ACAD11: variants seen among roughly 807,000 people sequenced by gnomAD.
ACAD11 encodes acyl-CoA dehydrogenase family member 11.
In ACAD11, 83 loss-of-function variants were observed where a neutral mutation model predicts 102.2. The ratio of observed to expected loss-of-function variants is 0.81; its 90% confidence interval spans 0.68 to 0.97. The LOEUF (loss-of-function observed/expected upper bound fraction) is 0.97, where lower values mean the gene tolerates loss of function less well. ACAD11 is among the 50% of genes least tolerant of loss of function. The probability of loss-of-function intolerance (pLI) is 0.00; values close to 1 mark genes in which losing one functional copy is unlikely to be tolerated. For synonymous variants in ACAD11, 324 were observed against 319.8 expected, an observed-to-expected ratio of 1.01 and a Z score of -0.14; for missense variants, 901 against 951.7, an observed-to-expected ratio of 0.95 and a Z score of 0.70.
intron 11 of ACAD11, chr3:132,618,265 T>C (rs62291501): frequency 0.096 from 19,628 of 203,622 alleles, 1,158 homozygotes; most frequent in South Asian, 0.14. Flanking sequence ...GGTAAATGAA[T>C]GGTTTATTCA....
At chr3:132,654,333 T>C (rs942987563) in intron 1 of ACAD11, 2 of 152,184 alleles carry the variant, frequency 1.3e-5, no homozygotes, top group African/African-American at 4.8e-5. Context: ...CACTGATATA[T>C]AATTATGTTT....
At position 132,575,789 on chromosome 3, in the gene ACAD11, T is replaced by C. The variant is rs755346321; in HGVS notation, c.1984A>G (p.Lys662Glu). 1 of 1,614,038 alleles carries C rather than the reference T, an allele frequency of 6.2e-7. No individual in the cohort carries two copies. The highest frequency in any genetic ancestry group is 8.5e-7 in the Non-Finnish European group (1 of 1,179,966). Residue 662 changes from lysine to glutamate, a missense_variant, in exon 17 of 20, where the codon AAG (lysine) becomes GAG (glutamate). Coordinates refer to ENST00000264990, the MANE Select transcript of ACAD11 (RefSeq NM_032169.5). ...ERATQRIAFK[K>E]KLYAHEVVAH... ...GTCCTCACATGTGCATACAACTTCTTCTTGAAAGCTATCCTTTGTGTTGCC... is the reference window on the plus strand; with the variant it reads ...GTCCTCACATGTGCATACAACTTCTCCTTGAAAGCTATCCTTTGTGTTGCC...
chr3:132,597,018 G>T (rs551587470), intron 13 of ACAD11, among the ~76,000 whole-genome samples: 1 of 152,274 alleles, frequency 6.6e-6, no homozygotes, highest in East Asian at 1.9e-4. Context: ...TCAGCAGTCA[G>T]TAGCTCAGCT....
chr3:132,636,358 T>A (rs944610548), intron 5 of ACAD11, among the ~76,000 whole-genome samples: 27 of 152,220 alleles, frequency 1.8e-4, no homozygotes, highest in Non-Finnish European at 3.1e-4. Flanking sequence ...TTTAGTTTTT[T>A]AAATTATCTT....
Position 132,618,767 on chromosome 3 carries a change from C to T in ACAD11, c.1281G>A (p.Met427Ile). 10 of 1,588,156 alleles carry T rather than the reference C, an allele frequency of 6.3e-6. No individual in the cohort carries two copies. The East Asian group carries it at 6.9e-5, about 11-fold the overall frequency. ...AGTTCCAGAGACCCTCGACTTTGGC[C>T]ATTTCCTGTCAAGGTGATGAACATG... Reference protein sequence around the residue: ...KPLVIDKLKEMAKVEGLWNLF... With the variant: ...KPLVIDKLKEIAKVEGLWNLF... Residue 427 changes from methionine (M) to isoleucine (I), a missense_variant, in exon 11 of 20, where the codon ATG (methionine) becomes ATA (isoleucine). Coordinates refer to ENST00000264990, the MANE Select transcript of ACAD11 (RefSeq NM_032169.5).
At chr3:132,633,215 A>G (rs1940124126) in intron 5 of ACAD11, among the ~76,000 whole-genome samples, 1 of 152,216 alleles carries the variant, frequency 6.6e-6, no homozygotes, top group Non-Finnish European at 1.5e-5. Context: ...TGGGTTTGTC[A>G]TAGATAGCTC....
intron 10 of ACAD11, 87 bp downstream of exon 10, chr3:132,619,381 T>C (rs975806215): frequency 4.0e-5 from 32 of 794,996 alleles, no homozygotes; most frequent in Middle Eastern, 2.4e-4. Flanking sequence ...TTCTTCTACA[T>C]ATATAACAAT....
intron 17 of ACAD11, among the ~76,000 whole-genome samples, chr3:132,572,343 A>G (rs1019085312): frequency 3.9e-5 from 6 of 152,114 alleles, no homozygotes; most frequent in Non-Finnish European, 7.4e-5. Context: ...CCAGGGAGGT[A>G]AAAAATCTTT....
intron 12 of ACAD11, 76 bp downstream of exon 12, chr3:132,605,022 C>A: frequency 9.0e-7 from 1 of 1,107,192 alleles, no homozygotes. Context: ...GAACCACATC[C>A]TGTATTTCTT....
At chr3:132,631,116 C>T (rs1940022479) in intron 6 of ACAD11, among the ~76,000 whole-genome samples, 2 of 151,762 alleles carry the variant, frequency 1.3e-5, no homozygotes, top group Admixed American at 1.3e-4. Context: ...AAAAAACGTG[C>T]ACGTTGTGCA....
At chr3:132,634,020 C>G (rs1466565534) in intron 5 of ACAD11, among the ~76,000 whole-genome samples, 8 of 152,022 alleles carry the variant, frequency 5.3e-5, no homozygotes, top group Admixed American at 3.9e-4. Context: ...GTCTAAAACA[C>G]CAAAAGCAAT....
At chr3:132,600,692 G>A (rs1938539608) in intron 13 of ACAD11, 1 of 1,613,744 alleles carries the variant, frequency 6.2e-7, no homozygotes, top group African/African-American at 1.3e-5. Context: ...TTTTTGGGCT[G>A]TTAATGCAGT....
intron 17 of ACAD11, among the ~76,000 whole-genome samples, chr3:132,570,785 G>GGA (rs1937352345): frequency 6.6e-6 from 1 of 152,074 alleles, no homozygotes; most frequent in Non-Finnish European, 1.5e-5. Context: ...TCCTGCGTTA[G>GGA]TTGGCTAAGG....
chr3:132,594,852 A>G (rs1938232503), intron 13 of ACAD11, among the ~76,000 whole-genome samples: 1 of 152,198 alleles, frequency 6.6e-6, no homozygotes, highest in South Asian at 2.1e-4. Flanking sequence ...GCAGTTGCAG[A>G]CCAGTTGTTA....
chr3:132,586,831 G>A (rs1266289613), intron 13 of ACAD11, among the ~76,000 whole-genome samples: 3 of 152,176 alleles, frequency 2.0e-5, no homozygotes, highest in South Asian at 2.1e-4. Context: ...AGTGGCTCAC[G>A]CCTGTAATCC....
chr3:132,576,218 T>C (rs1937522490), intron 16 of ACAD11, among the ~76,000 whole-genome samples: 1 of 152,180 alleles, frequency 6.6e-6, no homozygotes, highest in Admixed American at 6.5e-5. Flanking sequence ...GAATAACACA[T>C]AGTCCCTGTA....
chr3:132,658,652 C>A (rs1304538970), intron 1 of ACAD11, among the ~76,000 whole-genome samples: 1 of 152,168 alleles, frequency 6.6e-6, no homozygotes, highest in Non-Finnish European at 1.5e-5. Flanking sequence ...CTTCATCTTC[C>A]AATATCTATT....
intron 7 of ACAD11, among the ~76,000 whole-genome samples, chr3:132,628,872 C>T (rs189625624): frequency 6.6e-6 from 1 of 152,236 alleles, no homozygotes; most frequent in East Asian, 1.9e-4. Flanking sequence ...ATTTTTGGGT[C>T]CCTAATGCAG....
intron 9 of ACAD11, among the ~76,000 whole-genome samples, chr3:132,623,975 T>C (rs1466701586): frequency 2.6e-5 from 4 of 151,972 alleles, no homozygotes; most frequent in Admixed American, 6.6e-5. Flanking sequence ...ACCTGGGATT[T>C]CTGCCCAATC....
Sources: gnomAD v4.1 joint callset for allele counts (sites outside exome capture counted in the v4.1 genomes callset) on GRCh38, gnomAD v4.1.1 for gene constraint, MANE v1.5 for transcripts, NCBI Gene and HGNC (gene_info 2026-07-23, HGNC 2026-07-21) for gene names.